Variants in CORIN observed in about 807,000 individuals in gnomAD.
The protein encoded by CORIN is corin, serine peptidase, also known as atrial natriuretic peptide-converting enzyme.
CORIN carries 117 observed loss-of-function variants against 125.3 expected under a neutral mutation model. The ratio of observed to expected loss-of-function variants is 0.93; its 90% CI spans 0.80 to 1.09. The LOEUF (loss-of-function observed/expected upper bound fraction) is 1.09, where lower values mean the gene tolerates loss of function less well. CORIN is among the 50% of genes least tolerant of loss of function. The pLI is 0.00. For missense variants in CORIN, 1,253 were observed against 1,306.7 expected (o/e 0.96, Z 0.63); for synonymous variants, 450 against 466.4 (o/e 0.96, Z 0.45).
At chr4:47,828,872 A>AT (rs894927625) in intron 1 of CORIN, among the ~76,000 whole-genome samples, 10 of 152,034 alleles carry the variant, frequency 6.6e-5, no homozygotes, top group Non-Finnish European at 1.3e-4. Flanking sequence ...TGAAAAAAAA[A>AT]GGTAGGCCCG....
intron 5 of CORIN, among the ~76,000 whole-genome samples, chr4:47,710,354 C>T (rs536447869): frequency 6.6e-6 from 1 of 152,296 alleles, no homozygotes; most frequent in South Asian, 2.1e-4. Context: ...GCATTTAAAT[C>T]CAAAGATTCT....
chr4:47,821,914 T>C (rs1732534763), intron 1 of CORIN, among the ~76,000 whole-genome samples: 1 of 152,192 alleles, frequency 6.6e-6, no homozygotes, highest in Non-Finnish European at 1.5e-5. Context: ...TCAACTTTTA[T>C]CCTTTTCAAA....
chr4:47,665,278 T>G lies in CORIN; in HGVS notation c.1358-15A>C. ...TTCACATTGACCTAACAAAGAAACA[T>G]ACACACAAATATTTTTAAATTTCAC... On this transcript the variant is annotated splice_polypyrimidine_tract_variant and intron_variant, in intron 10 of 21. Transcript: ENST00000273857. The G allele has an allele frequency of 6.5e-7, 1 of 1,546,814 alleles. No individual in the cohort carries two copies. Among genetic ancestry groups the G allele is most frequent in the Non-Finnish European group, 8.9e-7 (1 of 1,127,916 alleles).
At chr4:47,678,794 G>A (rs1725135559) in intron 8 of CORIN, among the ~76,000 whole-genome samples, 1 of 151,656 alleles carries the variant, frequency 6.6e-6, no homozygotes, top group Non-Finnish European at 1.5e-5. Context: ...TGACCTCTCT[G>A]TTCTTGAGTC....
At chr4:47,782,023 TACA>T (rs1730570787) in intron 3 of CORIN, among the ~76,000 whole-genome samples, 1 of 152,092 alleles carries the variant, frequency 6.6e-6, no homozygotes, top group South Asian at 2.1e-4. Context: ...AAAAAGAAGA[TACA>T]ACAATTGTAA....
chr4:47,744,377 A>T (rs1728561367), intron 5 of CORIN, 25 bp downstream of exon 5: 1 of 1,602,880 alleles, frequency 6.2e-7, no homozygotes, highest in Admixed American at 1.7e-5. Flanking sequence ...ATCTTCTAAA[A>T]ATGAAATGAA....
At chr4:47,828,315 C>G (rs1732827578) in intron 1 of CORIN, among the ~76,000 whole-genome samples, 1 of 152,186 alleles carries the variant, frequency 6.6e-6, no homozygotes. Flanking sequence ...AGGATAGGGG[C>G]TGGTCTCCAG....
chr4:47,721,082 G>A (rs1727323997), intron 5 of CORIN, among the ~76,000 whole-genome samples: 1 of 152,134 alleles, frequency 6.6e-6, no homozygotes, highest in South Asian at 2.1e-4. Context: ...TGGAAGTCCA[G>A]GATCAGGGTG....
At chr4:47,619,827 G>T (rs369546174) in intron 19 of CORIN, among the ~76,000 whole-genome samples, 1 of 152,156 alleles carries the variant, frequency 6.6e-6, no homozygotes. Flanking sequence ...ATCGCTTGAT[G>T]AATGTACTCT....
chr4:47,815,887 G>C (rs906505757), intron 1 of CORIN, among the ~76,000 whole-genome samples: 4 of 152,140 alleles, frequency 2.6e-5, no homozygotes, highest in African/African-American at 9.7e-5. Flanking sequence ...GAGTCAAACA[G>C]TTAACATAAA....
In CORIN at chr4:47,659,432, C is replaced by T. The variant is rs1158727189; in HGVS notation, c.1735+2279G>A. ...TTATAAAGAAAAGAGGTTTAATTGA[C>T]TCATGGTTCTGCAGCCTTTACAGGA... On this transcript the variant is annotated intron_variant, in intron 12 of 21. Coordinates refer to ENST00000273857, the MANE Select transcript of CORIN (RefSeq NM_006587.4). 7.2e-5 allele frequency among the ~76,000 whole-genome samples: 11 copies of T among 152,144 alleles called. No homozygotes were observed. In the South Asian group the frequency reaches 2.1e-3, roughly 29 times the overall value.
intron 2 of CORIN, among the ~76,000 whole-genome samples, chr4:47,789,030 C>G (rs1730942604): frequency 6.6e-6 from 1 of 152,270 alleles, no homozygotes. Context: ...TGGCTGGGCA[C>G]AGAGACTCAT....
At chr4:47,810,408 C>T (rs1259521799) in intron 1 of CORIN, among the ~76,000 whole-genome samples, 1 of 152,178 alleles carries the variant, frequency 6.6e-6, no homozygotes, top group East Asian at 1.9e-4. Flanking sequence ...TGATCTCAAA[C>T]TTCTGGGCTC....
At chr4:47,651,742 G>A (rs1723738093) in intron 13 of CORIN, among the ~76,000 whole-genome samples, 1 of 152,068 alleles carries the variant, frequency 6.6e-6, no homozygotes, top group South Asian at 2.1e-4. Flanking sequence ...ATTTTGATGT[G>A]CCTTTAATTG....
At chr4:47,801,991 T>C (rs1164748719) in intron 2 of CORIN, among the ~76,000 whole-genome samples, 2 of 152,104 alleles carry the variant, frequency 1.3e-5, no homozygotes, top group Non-Finnish European at 2.9e-5. Flanking sequence ...GAGAAATCGG[T>C]GTGCTTGGTA....
chr4:47,693,100 G>A lies in CORIN; in HGVS notation c.800-17C>T, dbSNP rs142631560. The A allele has an allele frequency of 3.3e-6, 5 of 1,494,014 alleles. No individual in the cohort carries two copies. The South Asian group carries it at 5.7e-5, about 17-fold the overall frequency. The allele number at this position is 1,494,014 out of a possible 1,614,324, so 92.5% of individuals were successfully genotyped here. ...CACAGAGCACTAAAAAAAAAGGGCAGGAAATAATGTCAGAATAAGATGGGT... is the reference window on the plus strand; with the variant it reads ...CACAGAGCACTAAAAAAAAAGGGCAAGAAATAATGTCAGAATAAGATGGGT... On this transcript the variant is annotated splice_polypyrimidine_tract_variant and intron_variant, in intron 5 of 21. Coordinates refer to ENST00000273857, the MANE Select transcript of CORIN (RefSeq NM_006587.4).
intron 5 of CORIN, among the ~76,000 whole-genome samples, chr4:47,713,160 C>A (rs1256164859): frequency 6.6e-6 from 1 of 152,054 alleles, no homozygotes; most frequent in Non-Finnish European, 1.5e-5. Context: ...AATCTTAAGA[C>A]TTAATTAGGT....
intron 3 of CORIN, among the ~76,000 whole-genome samples, chr4:47,766,028 A>T (rs1729715830): frequency 6.6e-6 from 1 of 152,214 alleles, no homozygotes; most frequent in Non-Finnish European, 1.5e-5. Context: ...CCGTTGAAAT[A>T]TTTAAAGGGG....
In CORIN at chr4:47,595,232, G is replaced by A. The variant is rs1438722274; in HGVS notation, c.*489C>T. ...CTAAAATTCGAAGTGTAATAAAAAAGAATTGTGGGGTATAAAAAAAGAAAA... is the reference window on the plus strand; with the variant it reads ...CTAAAATTCGAAGTGTAATAAAAAAAAATTGTGGGGTATAAAAAAAGAAAA... On this transcript the variant is annotated 3_prime_UTR_variant, in exon 22 of 22. Coordinates refer to ENST00000273857, the MANE Select transcript of CORIN (RefSeq NM_006587.4). 1.3e-5 allele frequency: 2 copies of A among 152,224 alleles called. No homozygotes were observed. The highest frequency in any genetic ancestry group is 2.4e-5 in the African/African-American group (1 of 41,414). The allele number at this position is 152,224 out of a possible 1,614,324, so 9.4% of individuals were successfully genotyped here.
Sources: gnomAD v4.1 joint callset for allele counts (sites outside exome capture counted in the v4.1 genomes callset) on GRCh38, gnomAD v4.1.1 for gene constraint, MANE v1.5 for transcripts, NCBI Gene and HGNC (gene_info 2026-07-23, HGNC 2026-07-21) for gene names.